Variants in POU6F2 observed in about 807,000 individuals in gnomAD.
The protein encoded by POU6F2 is POU domain, class 6, transcription factor 2.
In POU6F2, 31 loss-of-function variants were observed where a neutral mutation model predicts 71.3. The ratio of observed to expected loss-of-function variants is 0.43; its 90% CI spans 0.33 to 0.59. POU6F2 has a LOEUF of 0.59. POU6F2 is among the 20% of genes least tolerant of loss of function. The pLI, the probability that POU6F2 is intolerant of heterozygous loss-of-function variation, is 0.04. For missense variants in POU6F2, 783 were observed against 856.8 expected (o/e 0.91, Z 1.07); for synonymous variants, 347 against 355.7 (o/e 0.98, Z 0.27).
intron 4 of POU6F2, among the ~76,000 whole-genome samples, chr7:39,263,670 C>T (rs937924986): frequency 1.0e-5 from 1 of 97,642 alleles, no homozygotes; most frequent in Non-Finnish European, 2.2e-5. Flanking sequence ...CACGCACACA[C>T]ACGCACACAC....
Position 39,464,203 on chromosome 7 carries a change from C to A in POU6F2, c.1680C>A (p.His560Gln), listed in dbSNP as rs373469942. ...CCAGACACACCATCCTGAGAAGCCA[C>A]TTTTTCCTACCACAGGAAGCCCAAG... ...AICRHTILRS[H>Q]FFLPQEAQEN... Residue 560 changes from histidine (H) to glutamine (Q), a missense_variant, in exon 10 of 10, where the codon CAC becomes CAA. By Grantham distance (24) the His-to-Gln change is conservative. Transcript: ENST00000518318. This position sits in a 1 kb window ranked among gnomAD's most constrained non-coding sequence, Gnocchi z 4.1. 4 of 1,613,842 alleles carry A rather than the reference C, an allele frequency of 2.5e-6. No individual in the cohort carries two copies. Among genetic ancestry groups the A allele is most frequent in the Non-Finnish European group, 3.4e-6 (4 of 1,179,752 alleles).
chr7:39,038,732 G>T (rs1390457957), intron 1 of POU6F2, among the ~76,000 whole-genome samples: 1 of 152,004 alleles, frequency 6.6e-6, no homozygotes, highest in East Asian at 1.9e-4. Flanking sequence ...AGTTCTTGCT[G>T]ATATCTTAAT....
intron 4 of POU6F2, among the ~76,000 whole-genome samples, chr7:39,275,548 C>T (rs1292629310): frequency 6.6e-6 from 1 of 152,204 alleles, no homozygotes; most frequent in East Asian, 1.9e-4. Context: ...TTGGAAAAAA[C>T]TACTTTAAAG....
At chr7:38,982,980 CCA>C (rs1209988393) in intron 1 of POU6F2, among the ~76,000 whole-genome samples, 1 of 151,954 alleles carries the variant, frequency 6.6e-6, no homozygotes, top group African/African-American at 2.4e-5. Flanking sequence ...CTGCATATTA[CCA>C]GTTTCAAGTA....
intron 1 of POU6F2, among the ~76,000 whole-genome samples, chr7:38,998,838 T>TTTTTTTTTTTAGTAG (rs869182741): frequency 7.1e-6 from 1 of 141,330 alleles, no homozygotes; most frequent in African/African-American, 2.6e-5. Context: ...TTTTTTTTTT[T>TTTTTTTTTTTAGTAG]TATTTTCAGT....
At chr7:38,983,658 C>A (rs779164843) in intron 1 of POU6F2, among the ~76,000 whole-genome samples, 9 of 151,986 alleles carry the variant, frequency 5.9e-5, no homozygotes, top group Admixed American at 1.3e-4. Flanking sequence ...CTTCCCAGTT[C>A]CACAATGTGA....
intron 4 of POU6F2, among the ~76,000 whole-genome samples, chr7:39,286,890 A>C (rs1417140120): frequency 2.6e-5 from 4 of 151,558 alleles, no homozygotes. Flanking sequence ...GTCCTCCCAA[A>C]GTGCTGGGAT....
At chr7:39,399,855 T>C (rs1262384992) in intron 5 of POU6F2, among the ~76,000 whole-genome samples, 1 of 122,330 alleles carries the variant, frequency 8.2e-6, no homozygotes, top group African/African-American at 3.3e-5. Flanking sequence ...GTCTCAAGAA[T>C]GTAACAAAAA....
chr7:39,217,668 C>T (rs1383341064), intron 4 of POU6F2, among the ~76,000 whole-genome samples: 1 of 152,204 alleles, frequency 6.6e-6, no homozygotes, highest in Non-Finnish European at 1.5e-5. Flanking sequence ...TTGAGAAGAG[C>T]TTCACAAGAC....
chr7:39,453,267 G>A (rs1032579275), intron 8 of POU6F2, among the ~76,000 whole-genome samples: 3 of 151,868 alleles, frequency 2.0e-5, no homozygotes, highest in African/African-American at 7.3e-5. Flanking sequence ...ATAAAGTTAA[G>A]GATAAAGTGA....
At chr7:39,157,768 T>C (rs994324905) in intron 2 of POU6F2, among the ~76,000 whole-genome samples, 2 of 152,166 alleles carry the variant, frequency 1.3e-5, no homozygotes, top group Non-Finnish European at 2.9e-5. Context: ...TCAAGTCGGG[T>C]TAAACATACA....
At chr7:39,015,002 T>G (rs1018575423) in intron 1 of POU6F2, among the ~76,000 whole-genome samples, 4 of 152,028 alleles carry the variant, frequency 2.6e-5, no homozygotes, top group Non-Finnish European at 5.9e-5. Context: ...ATGATCGTCT[T>G]CCTCCTCGTG....
At chr7:39,007,246 G>C (rs1243240589) in intron 1 of POU6F2, among the ~76,000 whole-genome samples, 1 of 152,142 alleles carries the variant, frequency 6.6e-6, no homozygotes, top group Non-Finnish European at 1.5e-5. Flanking sequence ...TAAAAAGGTA[G>C]ATGTGGCTTT....
chr7:39,007,963 T>C (rs1412824903), intron 1 of POU6F2, among the ~76,000 whole-genome samples: 1 of 150,674 alleles, frequency 6.6e-6, no homozygotes, highest in Non-Finnish European at 1.5e-5. Context: ...TCTTTGCTAT[T>C]GTGAATAGTG....
chr7:39,458,099 C>CA (rs1788848387), intron 8 of POU6F2, among the ~76,000 whole-genome samples: 1 of 151,304 alleles, frequency 6.6e-6, no homozygotes, highest in South Asian at 2.1e-4. Context: ...GGGACCACAC[C>CA]ATTGTACTAA....
intron 3 of POU6F2, among the ~76,000 whole-genome samples, chr7:39,205,536 C>T (rs1793993487): frequency 6.6e-6 from 1 of 152,130 alleles, no homozygotes; most frequent in African/African-American, 2.4e-5. Context: ...CATATATGGT[C>T]TGAGAGCTAC....
rs568919775 is a variant in POU6F2 at position 39,210,033 on chromosome 7, G to A, written c.598+2413G>A. On this transcript the variant is annotated intron_variant, in intron 4 of 9. Coordinates refer to ENST00000518318, the MANE Select transcript of POU6F2 (RefSeq NM_001370959.1). The stretch of plus-strand genomic sequence containing the variant: ...CAGTCAACAGCGAGGGGAGAAGGCT[G>A]TTTCCTTTCCCCCATCTCTTTCCTG... Among the ~76,000 whole-genome samples, 43 of 152,280 alleles carry A rather than the reference G, an allele frequency of 2.8e-4. 1 individual carries two copies. The South Asian group carries it at 8.3e-3, about 29-fold the overall frequency.
chr7:39,433,032 G>A (rs1356443315), intron 6 of POU6F2, 45 bp from the exon 7 acceptor site: 1 of 1,600,024 alleles, frequency 6.2e-7, no homozygotes, highest in Non-Finnish European at 8.6e-7. Context: ...TGCATGCACA[G>A]ACCCTTCACC....
At chr7:39,227,044 G>A (rs570661772) in intron 4 of POU6F2, among the ~76,000 whole-genome samples, 27 of 152,310 alleles carry the variant, frequency 1.8e-4, no homozygotes, top group African/African-American at 6.3e-4. Context: ...AGCATAAGCT[G>A]TGAAATTATT....
Sources: allele counts gnomAD v4.1 joint callset (sites outside exome capture counted in the v4.1 genomes callset), GRCh38; gene constraint gnomAD v4.1.1; non-coding constraint Gnocchi (gnomAD v3.1); transcripts MANE v1.5; gene names NCBI Gene and HGNC (gene_info 2026-07-23, HGNC 2026-07-21).